The following TSPAN14 variants were observed in gnomAD, a reference collection of about 807,000 sequenced individuals.
TSPAN14 encodes the protein tetraspanin-14.
A neutral mutation model predicts 36.6 loss-of-function variants in TSPAN14; 16 were observed. The ratio of observed to expected loss-of-function variants is 0.44; its 90% CI spans 0.30 to 0.66. TSPAN14 has a LOEUF of 0.66. Among genes scored for constraint, TSPAN14 ranks in the 30% least tolerant of loss-of-function variants. The pLI is 0.12. For missense variants in TSPAN14, 231 were observed against 355.1 expected (o/e 0.65, Z 2.81); for synonymous variants, 139 against 143.8 (o/e 0.97, Z 0.24).
chr10:80,470,597 T>C (rs1287569291), intron 1 of TSPAN14, among the ~76,000 whole-genome samples: 5 of 152,260 alleles, frequency 3.3e-5, no homozygotes, highest in East Asian at 1.9e-4. Context: ...CTTTGTGACC[T>C]GTACAAAGAG....
chr10:80,509,659 G>GTGGGCCAGCCCT lies in TSPAN14; in HGVS notation c.450+190_450+201dup. The GTGGGCCAGCCCT allele has an allele frequency of 3.2e-6, 2 of 633,710 alleles. No individual in the cohort carries two copies. Among genetic ancestry groups the GTGGGCCAGCCCT allele is most frequent in the Non-Finnish European group, 5.3e-6 (2 of 378,866 alleles). The allele number at this position is 633,710 out of a possible 1,614,324, so 39.3% of individuals were successfully genotyped here. ...CACTTTGCCGGCTTGTGGTTGCCTG[G>GTGGGCCAGCCCT]TGGGCCAGCCCTTTCCCATTGGGAT... is the stretch of plus-strand genomic sequence containing the variant. On this transcript the variant is annotated intron_variant, in intron 5 of 8. Coordinates refer to ENST00000429989, the Ensembl canonical transcript of TSPAN14. This position sits in a 1 kb window ranked among gnomAD's most constrained non-coding sequence, Gnocchi z 4.7.
chr10:80,508,394 A>G (rs1474523136), intron 4 of TSPAN14, among the ~76,000 whole-genome samples: 2 of 152,204 alleles, frequency 1.3e-5, no homozygotes, highest in Admixed American at 6.5e-5. Context: ...CTGGGATTAC[A>G]GGCGTGAACC....
intron 2 of TSPAN14, among the ~76,000 whole-genome samples, chr10:80,497,678 C>T (rs1294779743): frequency 6.6e-6 from 1 of 152,210 alleles, no homozygotes; most frequent in Non-Finnish European, 1.5e-5. Flanking sequence ...GCTGTGCTCC[C>T]TCCGCCTGCC....
chr10:80,468,172 G>A (rs902373270), intron 1 of TSPAN14, among the ~76,000 whole-genome samples: 1 of 151,914 alleles, frequency 6.6e-6, no homozygotes, highest in Non-Finnish European at 1.5e-5. Context: ...CCATCCTCTG[G>A]GCCCGCCCAC....
chr10:80,475,458 T>A (rs1846809941), intron 1 of TSPAN14, among the ~76,000 whole-genome samples: 1 of 152,146 alleles, frequency 6.6e-6, no homozygotes, highest in Admixed American at 6.5e-5. Context: ...CCCAGCTACT[T>A]GGGAGGCTGA....
Position 80,458,169 on chromosome 10 carries a change from G to C in TSPAN14, c.-18+3798G>C, listed in dbSNP as rs1451899746. On this transcript the variant is annotated intron_variant, in intron 1 of 8. Coordinates refer to ENST00000429989, the Ensembl canonical transcript of TSPAN14. ...AGGTAGCGATACCCAGGCAGGCCTG[G>C]TCCTCCCCACTTTTGTGGGACTCGG... Among the ~76,000 whole-genome samples, 13 of 152,334 alleles carry C rather than the reference G, an allele frequency of 8.5e-5. No individual in the cohort carries two copies. The South Asian group carries it at 1.9e-3, about 22-fold the overall frequency.
intron 1 of TSPAN14, among the ~76,000 whole-genome samples, chr10:80,473,685 GTT>G (rs1352695254): frequency 1.5e-5 from 2 of 131,024 alleles, no homozygotes; most frequent in Non-Finnish European, 3.3e-5. Flanking sequence ...ACCATGATGG[GTT>G]TTTTTTTTTT....
chr10:80,489,620 C>G (rs1273341142), intron 2 of TSPAN14, among the ~76,000 whole-genome samples: 1 of 152,220 alleles, frequency 6.6e-6, no homozygotes, highest in African/African-American at 2.4e-5. Context: ...TGGGAGTGCC[C>G]CAATGAGACA....
chr10:80,479,005 C>G (rs1308085520), intron 1 of TSPAN14, among the ~76,000 whole-genome samples: 2 of 152,094 alleles, frequency 1.3e-5, no homozygotes, highest in Non-Finnish European at 2.9e-5. Context: ...GAGATGGTAT[C>G]TCATTGTGGT....
chr10:80,498,931 G>A (rs923581643), intron 2 of TSPAN14, among the ~76,000 whole-genome samples: 3 of 152,204 alleles, frequency 2.0e-5, no homozygotes, highest in African/African-American at 7.2e-5. Context: ...CAGGGGAAGA[G>A]GCTCTGTGAA....
intron 7 of TSPAN14, 92 bp from the exon 8 acceptor site, chr10:80,516,112 C>A (rs1840923647): frequency 3.8e-6 from 6 of 1,590,588 alleles, no homozygotes; most frequent in Non-Finnish European, 5.2e-6. Flanking sequence ...TCCCACCCTG[C>A]TTTGCCCTGC....
exon 9 of TSPAN14, chr10:80,520,283 T>G (rs1451812547): frequency 8.3e-6 from 2 of 239,534 alleles, no homozygotes; most frequent in Non-Finnish European, 1.7e-5. Context: ...GAGTTGGGTT[T>G]ATCTTTCAAC....
intron 1 of TSPAN14, among the ~76,000 whole-genome samples, chr10:80,485,443 C>T (rs966711425): frequency 1.3e-5 from 2 of 152,218 alleles, no homozygotes; most frequent in South Asian, 2.1e-4. Context: ...GGCTCAGGAG[C>T]GCTCAGTCCT....
intron 2 of TSPAN14, among the ~76,000 whole-genome samples, chr10:80,494,538 T>C (rs1176939942): frequency 6.6e-6 from 1 of 152,136 alleles, no homozygotes; most frequent in Non-Finnish European, 1.5e-5. Flanking sequence ...TCTTTGCAGG[T>C]GGGGTCTTAT....
Position 80,460,503 on chromosome 10 carries a change from G to A in TSPAN14, c.-18+6132G>A, listed in dbSNP as rs117895634. On this transcript the variant is annotated intron_variant, in intron 1 of 8. Transcript: ENST00000429989. ...GGGACAGAATCTCTGTCAGTATCCC[G>A]TGGTTGGCAGTGTCCTGTCCATTCT... Among the ~76,000 whole-genome samples, 32 of 152,306 alleles carry A rather than the reference G, an allele frequency of 2.1e-4. 1 individual carries two copies. The East Asian group carries it at 5.0e-3, about 24-fold the overall frequency.
At chr10:80,458,810 C>T (rs1305339983) in intron 1 of TSPAN14, among the ~76,000 whole-genome samples, 1 of 152,110 alleles carries the variant, frequency 6.6e-6, no homozygotes, top group South Asian at 2.1e-4. Context: ...TTTGGTGGAG[C>T]GCAGGCCCTG....
At chr10:80,456,319 A>C (rs1188290366) in intron 1 of TSPAN14, among the ~76,000 whole-genome samples, 1 of 152,172 alleles carries the variant, frequency 6.6e-6, no homozygotes, top group East Asian at 1.9e-4. Context: ...AAGAAAGGGC[A>C]TGGAGCTGCA....
Position 80,490,769 on chromosome 10 carries a change from T to C in TSPAN14, c.81+1455T>C, listed in dbSNP as rs569964253. Among the ~76,000 whole-genome samples the C allele has an allele frequency of 6.2e-4, 95 of 152,232 alleles. No homozygotes were observed. In the South Asian group the frequency reaches 0.017, roughly 27 times the overall value. On this transcript the variant is annotated intron_variant, in intron 2 of 8. Coordinates refer to ENST00000429989, the Ensembl canonical transcript of TSPAN14. ...GAAAAATTTGGACACTGGCTGGAGA[T>C]GGTCAAGGGATTAAGGGAGATATAG...
At chr10:80,522,292 C>T (rs969772603) in exon 9 of TSPAN14, 1 of 152,216 alleles carries the variant, frequency 6.6e-6, no homozygotes, top group Non-Finnish European at 1.5e-5. Context: ...AGGCAGATCA[C>T]TTGAGGCCAG....
Sources: gnomAD v4.1 joint callset for allele counts (sites outside exome capture counted in the v4.1 genomes callset) on GRCh38, gnomAD v4.1.1 for gene constraint, Gnocchi (gnomAD v3.1) non-coding constraint, MANE v1.5 for transcripts, NCBI Gene and HGNC (gene_info 2026-07-23, HGNC 2026-07-21) for gene names.